Variants in RBMS3 observed in about 807,000 individuals in gnomAD.
RBMS3 encodes the protein RNA binding motif single stranded interacting protein 3.
In RBMS3, 27 loss-of-function variants were observed where a neutral mutation model predicts 66.8. The observed-to-expected ratio is 0.40, with a 90% CI of 0.30 to 0.56. The LOEUF is 0.56. RBMS3 is among the 20% of genes least tolerant of loss of function. The probability of loss-of-function intolerance (pLI) is 0.40; values close to 1 mark genes in which losing one functional copy is unlikely to be tolerated. For missense variants in RBMS3, 513 were observed against 549.5 expected (o/e 0.93, Z 0.66); for synonymous variants, 188 against 183.0 (o/e 1.03, Z -0.22).
intron 6 of RBMS3, among the ~76,000 whole-genome samples, chr3:29,788,202 AT>A (rs34037007): frequency 3.1e-3 from 424 of 134,890 alleles, no homozygotes; most frequent in Middle Eastern, 0.012. Flanking sequence ...TTTGGAGTTC[AT>A]TTTTTTTTTT....
intron 2 of RBMS3, among the ~76,000 whole-genome samples, chr3:29,452,068 C>T (rs929685646): frequency 6.6e-6 from 1 of 152,120 alleles, no homozygotes; most frequent in Admixed American, 6.5e-5. Flanking sequence ...TAGATGTGTC[C>T]ATTATGCTTG....
At chr3:29,908,323 C>T (rs1019478104) in intron 10 of RBMS3, among the ~76,000 whole-genome samples, 8 of 151,714 alleles carry the variant, frequency 5.3e-5, no homozygotes, top group African/African-American at 1.9e-4. Flanking sequence ...CTGACTGTTG[C>T]ATAGTTGATA....
intron 10 of RBMS3, among the ~76,000 whole-genome samples, chr3:29,931,382 A>C (rs2061120039): frequency 1.3e-5 from 2 of 152,288 alleles, no homozygotes; most frequent in South Asian, 4.1e-4. Flanking sequence ...TTACCATGTA[A>C]TTCATCATTT....
At chr3:29,426,495 A>G (rs544340336) in intron 1 of RBMS3, among the ~76,000 whole-genome samples, 1 of 152,340 alleles carries the variant, frequency 6.6e-6, no homozygotes, top group African/African-American at 2.4e-5. Flanking sequence ...GCAATGTGTG[A>G]TTATGCAATC....
At chr3:29,350,457 T>G (rs1434359983) in intron 1 of RBMS3, among the ~76,000 whole-genome samples, 1 of 152,178 alleles carries the variant, frequency 6.6e-6, no homozygotes, top group African/African-American at 2.4e-5. Context: ...CTAATTTCAG[T>G]TAGTTTACTT....
chr3:29,405,365 G>A (rs902391484), intron 1 of RBMS3, among the ~76,000 whole-genome samples: 3 of 152,054 alleles, frequency 2.0e-5, no homozygotes, highest in African/African-American at 4.8e-5. Flanking sequence ...CAATTTATTT[G>A]CCAGGTCATA....
In RBMS3 at chr3:29,679,955, G is replaced by C. The variant is rs146237994; in HGVS notation, c.400-59765G>C. 4.8e-3 allele frequency among the ~76,000 whole-genome samples: 728 copies of C among 152,144 alleles called. 3 individuals are homozygous for C. The highest frequency in any genetic ancestry group is 8.0e-3 in the Non-Finnish European group (544 of 68,000). On this transcript the variant is annotated intron_variant, in intron 4 of 14. Coordinates refer to ENST00000383767, the MANE Select transcript of RBMS3 (RefSeq NM_001003793.3). ...CTAAACTGGGGAGAAGTGTGATTTA[G>C]AATTGGAACATATTTCATGTGAATT...
intron 4 of RBMS3, among the ~76,000 whole-genome samples, chr3:29,708,288 A>G (rs1289828609): frequency 6.6e-6 from 1 of 152,152 alleles, no homozygotes; most frequent in African/African-American, 2.4e-5. Flanking sequence ...ATCAGATGAA[A>G]GGTTTAGAAG....
At chr3:29,617,322 A>G (rs372668615) in intron 4 of RBMS3, among the ~76,000 whole-genome samples, 9 of 152,350 alleles carry the variant, frequency 5.9e-5, no homozygotes, top group African/African-American at 1.9e-4. Context: ...TGGTTAAATT[A>G]AATCATTTGT....
chr3:29,717,819 A>G (rs1454644156), intron 4 of RBMS3, among the ~76,000 whole-genome samples: 1 of 152,110 alleles, frequency 6.6e-6, no homozygotes, highest in Non-Finnish European at 1.5e-5. Context: ...CAAATTGATA[A>G]TAACCCGTTT....
chr3:29,384,432 TAATAAG>T (rs1328600949), intron 1 of RBMS3, among the ~76,000 whole-genome samples: 29 of 99,410 alleles, frequency 2.9e-4, no homozygotes, highest in South Asian at 7.7e-4. Context: ...ATAATAATAA[TAATAAG>T]AAGAAGAAGA....
chr3:29,371,636 TTGTA>T (rs2038209089), intron 1 of RBMS3, among the ~76,000 whole-genome samples: 1 of 152,142 alleles, frequency 6.6e-6, no homozygotes. Context: ...GTGTCTGTGT[TTGTA>T]TGGGTGTTAT....
chr3:29,439,226 T>G (rs2125734416), intron 2 of RBMS3, among the ~76,000 whole-genome samples: 1 of 152,260 alleles, frequency 6.6e-6, no homozygotes. Flanking sequence ...GAAGCTTGAT[T>G]TATCTTAAGA....
At chr3:29,711,147 G>T (rs928198644) in intron 4 of RBMS3, among the ~76,000 whole-genome samples, 1 of 152,128 alleles carries the variant, frequency 6.6e-6, no homozygotes. Flanking sequence ...CACAATAAGA[G>T]ATTAACTAAT....
intron 10 of RBMS3, among the ~76,000 whole-genome samples, chr3:29,913,063 A>G (rs971631288): frequency 3.9e-5 from 6 of 151,944 alleles, no homozygotes; most frequent in African/African-American, 9.7e-5. Flanking sequence ...CCTCTTGGCT[A>G]TCATCACTAG....
In RBMS3 at chr3:29,844,841, G is replaced by A. The variant is rs150338312; in HGVS notation, c.638-24017G>A. On this transcript the variant is annotated intron_variant, in intron 6 of 14. Coordinates refer to ENST00000383767, the MANE Select transcript of RBMS3 (RefSeq NM_001003793.3). ...GTCTAAATAAGATAGATCATATTGT[G>A]GTAATAAGTAATTCTTCAAATCTTA... Among the ~76,000 whole-genome samples, 572 of 152,292 alleles carry A rather than the reference G, an allele frequency of 3.8e-3. 3 individuals are homozygous for A. Among genetic ancestry groups the A allele is most frequent in the African/African-American group, 0.013 (551 of 41,576 alleles).
chr3:29,814,792 T>TA (rs1258424869), intron 6 of RBMS3, among the ~76,000 whole-genome samples: 1 of 152,006 alleles, frequency 6.6e-6, no homozygotes, highest in Non-Finnish European at 1.5e-5. Context: ...ATAATAAATT[T>TA]AAAAAAAATT....
chr3:29,602,147 A>G (rs1012778956), intron 4 of RBMS3, among the ~76,000 whole-genome samples: 1 of 152,008 alleles, frequency 6.6e-6, no homozygotes, highest in African/African-American at 2.4e-5. Context: ...TGCCAGCATA[A>G]TTGCACGGTA....
At chr3:29,393,254 G>T (rs1035007253) in intron 1 of RBMS3, among the ~76,000 whole-genome samples, 6 of 152,094 alleles carry the variant, frequency 3.9e-5, no homozygotes, top group Non-Finnish European at 5.9e-5. Context: ...AAATGCATGG[G>T]ACTACCTGCC....
Sources: gnomAD v4.1 joint callset for allele counts (sites outside exome capture counted in the v4.1 genomes callset) on GRCh38, gnomAD v4.1.1 for gene constraint, MANE v1.5 for transcripts, NCBI Gene and HGNC (gene_info 2026-07-23, HGNC 2026-07-21) for gene names.